SMAD7: variants seen among roughly 807,000 people sequenced by gnomAD.
SMAD7 encodes the protein MAD (mothers against decapentaplegic, Drosophila) homolog 7.
SMAD7 carries 8 observed loss-of-function variants against 38.7 expected under a neutral mutation model. The ratio of observed to expected loss-of-function variants is 0.21; its 90% CI spans 0.12 to 0.37. The LOEUF (loss-of-function observed/expected upper bound fraction) is 0.37, where lower values mean the gene tolerates loss of function less well. Among genes scored for constraint, SMAD7 ranks in the 10% least tolerant of loss-of-function variants. The pLI is 1.00. For missense variants in SMAD7, 477 were observed against 577.9 expected, an observed-to-expected ratio of 0.83 and a Z score of 1.79; for synonymous variants, 327 against 265.1, an observed-to-expected ratio of 1.23 and a Z score of -2.27.
At chr18:48,947,588 G>A (rs887429389) in intron 2 of SMAD7, among the ~76,000 whole-genome samples, 1 of 152,166 alleles carries the variant, frequency 6.6e-6, no homozygotes, top group Non-Finnish European at 1.5e-5. Flanking sequence ...ACTGTAAGAG[G>A]GAGCTCCAGG....
At chr18:48,948,488 A>C in intron 1 of SMAD7, 51 bp from the exon 2 acceptor site, 16 of 1,277,874 alleles carry the variant, frequency 1.3e-5, no homozygotes, top group Admixed American at 2.1e-5. Flanking sequence ...GAGAAGAGAG[A>C]TAGAAACTTA....
chr18:48,947,566 G>A (rs1382440436), intron 2 of SMAD7, among the ~76,000 whole-genome samples: 2 of 152,182 alleles, frequency 1.3e-5, no homozygotes, highest in Non-Finnish European at 2.9e-5. Flanking sequence ...TTAGCAAACA[G>A]ATCTATCTCC....
chr18:48,929,855 A>T (rs4503867), intron 3 of SMAD7, among the ~76,000 whole-genome samples: 1 of 151,890 alleles, frequency 6.6e-6, no homozygotes, highest in Admixed American at 6.6e-5. Flanking sequence ...TCCCCCACAG[A>T]TCCAACTCCA....
chr18:48,945,259 G>A (rs529638193), intron 2 of SMAD7, among the ~76,000 whole-genome samples: 7 of 152,234 alleles, frequency 4.6e-5, no homozygotes, highest in East Asian at 1.9e-4. Context: ...TCAGGAGATC[G>A]AGACCATCCT....
chr18:48,944,925 C>G (rs754883487), intron 2 of SMAD7, among the ~76,000 whole-genome samples: 2 of 152,126 alleles, frequency 1.3e-5, no homozygotes, highest in Non-Finnish European at 2.9e-5. Flanking sequence ...TTCCTTTCTC[C>G]GAGCAGCTCC....
chr18:48,921,131 C>T lies in SMAD7; in HGVS notation c.*241G>A, dbSNP rs1308572515. On this transcript the variant is annotated 3_prime_UTR_variant, in exon 4 of 4. Transcript: ENST00000262158. The surrounding 1 kb of genome is among the most constrained non-coding windows in gnomAD (Gnocchi z 6.4). ...CCCCTCTTCCTATCAGGGTGTCCTG[C>T]CGATCATACCTGCCCCTTCTTCCAA... is the stretch of plus-strand genomic sequence containing the variant. The T allele has an allele frequency of 1.9e-6, 1 of 516,360 alleles. No individual in the cohort carries two copies. The highest frequency in any genetic ancestry group is 2.4e-5 in the South Asian group (1 of 40,954). The allele number at this position is 516,360 out of a possible 1,614,324, so 32.0% of individuals were successfully genotyped here. A position where few individuals can be genotyped will look rare whatever the true frequency, so the allele number is the denominator to read the frequency against.
chr18:48,943,412 C>T (rs2070163805), intron 2 of SMAD7, among the ~76,000 whole-genome samples: 1 of 152,208 alleles, frequency 6.6e-6, no homozygotes, highest in African/African-American at 2.4e-5. Context: ...GTGACCTCAC[C>T]GTTAATGAGG....
chr18:48,930,694 C>T (rs999725771), intron 3 of SMAD7, among the ~76,000 whole-genome samples: 3 of 142,400 alleles, frequency 2.1e-5, no homozygotes, highest in African/African-American at 7.4e-5. Context: ...GTAGGGCTCC[C>T]CCACCGCATG....
At chr18:48,922,330 C>G (rs2069872008) in intron 3 of SMAD7, among the ~76,000 whole-genome samples, 2 of 152,300 alleles carry the variant, frequency 1.3e-5, no homozygotes, top group South Asian at 4.1e-4. Flanking sequence ...AGGCCAGCTC[C>G]TCCAGCCCCT....
At chr18:48,948,227 C>T (rs1181084126) in intron 2 of SMAD7, among the ~76,000 whole-genome samples, 157 bp downstream of exon 2, 1 of 152,212 alleles carries the variant, frequency 6.6e-6, no homozygotes, top group Admixed American at 6.5e-5. Flanking sequence ...AACCCAGCCA[C>T]AACAGAAAAA....
rs1320585471 is a variant in SMAD7 at position 48,950,318 on chromosome 18, TCGC to T, written c.104_106del (p.Gly35del). 6.5e-7 allele frequency: 1 copy of T among 1,535,518 alleles called. No homozygotes were observed. The highest frequency in any genetic ancestry group is 1.2e-5 in the South Asian group (1 of 82,988). ...GTCCGTCGCCCCTTCTCCCCGCAGC[TCGC>T]CTCCTCCTCCACCTCCCCCTGCGCC... On this transcript the variant is annotated inframe_deletion, in exon 1 of 4. Transcript: ENST00000262158.
chr18:48,943,834 G>A (rs774694816), intron 2 of SMAD7, among the ~76,000 whole-genome samples: 2 of 122,484 alleles, frequency 1.6e-5, no homozygotes, highest in Non-Finnish European at 3.2e-5. Context: ...GGTTTCTGCT[G>A]TCTGCCCTCT....
At chr18:48,937,793 G>A (rs2070088637) in intron 3 of SMAD7, among the ~76,000 whole-genome samples, 1 of 152,186 alleles carries the variant, frequency 6.6e-6, no homozygotes, top group Non-Finnish European at 1.5e-5. Flanking sequence ...GCTTGCTCAT[G>A]GTCACAAGCA....
intron 3 of SMAD7, among the ~76,000 whole-genome samples, chr18:48,929,563 TCTCTCTCA>T (rs1301858864): frequency 2.6e-5 from 1 of 38,618 alleles, no homozygotes; most frequent in African/African-American, 8.0e-5. Context: ...TCTCTCTCTC[TCTCTCTCA>T]CTCACACACA....
chr18:48,947,509 C>A (rs986614429), intron 2 of SMAD7, among the ~76,000 whole-genome samples: 1 of 152,178 alleles, frequency 6.6e-6, no homozygotes, highest in Admixed American at 6.5e-5. Flanking sequence ...TTTTTTCAGG[C>A]ACCAGTATAC....
chr18:48,923,250 G>C (rs564109823), intron 3 of SMAD7, among the ~76,000 whole-genome samples: 3 of 152,222 alleles, frequency 2.0e-5, no homozygotes, highest in Non-Finnish European at 4.4e-5. Flanking sequence ...CAAAGCAGGG[G>C]TTGAGTGTGA....
intron 3 of SMAD7, among the ~76,000 whole-genome samples, chr18:48,928,139 C>T (rs559531888): frequency 5.3e-4 from 81 of 152,334 alleles, no homozygotes; most frequent in African/African-American, 1.9e-3. Flanking sequence ...CAGCAAGCTG[C>T]TCTGTGACCT....
intron 1 of SMAD7, 113 bp downstream of exon 1, chr18:48,949,699 A>AG (rs1232068638): frequency 1.7e-6 from 2 of 1,162,226 alleles, no homozygotes; most frequent in African/African-American, 3.2e-5. Flanking sequence ...CTCTCCCAGG[A>AG]GGGTATGCAC....
At chr18:48,940,513 G>A (rs1035745503) in intron 3 of SMAD7, among the ~76,000 whole-genome samples, 29 of 151,918 alleles carry the variant, frequency 1.9e-4, no homozygotes, top group African/African-American at 6.0e-4. Context: ...CACTTGGGGA[G>A]GAAAGGGTGG....
Sources: allele counts gnomAD v4.1 joint callset (sites outside exome capture counted in the v4.1 genomes callset), GRCh38; gene constraint gnomAD v4.1.1; non-coding constraint Gnocchi (gnomAD v3.1); transcripts MANE v1.5; gene names NCBI Gene and HGNC (gene_info 2026-07-23, HGNC 2026-07-21).